The following CNGB3 variants were observed in gnomAD, a reference collection of about 807,000 sequenced individuals.
CNGB3 encodes cyclic nucleotide-gated channel beta-3.
In CNGB3, 86 loss-of-function variants were observed where a neutral mutation model predicts 92.8. The ratio of observed to expected loss-of-function variants is 0.93; its 90% confidence interval spans 0.78 to 1.11. CNGB3 has a LOEUF of 1.11. Ranked by LOEUF, CNGB3 falls within the 50% of genes least tolerant of loss-of-function variation. CNGB3 has a pLI of 0.00. For synonymous variants in CNGB3, 333 were observed against 332.7 expected, an observed-to-expected ratio of 1.00 and a Z score of -0.01; for missense variants, 1,026 against 956.8, an observed-to-expected ratio of 1.07 and a Z score of -0.95.
At position 86,663,997 on chromosome 8, in the gene CNGB3, C is replaced by G. The variant is rs891354219; in HGVS notation, c.852+2928G>C. Reference sequence around the variant, plus strand: ...ATTTGTCAAACATTGATTTTCTCCCCCCTTGTGAGTCTAATGGAGGTTGAA... The same window carrying G: ...ATTTGTCAAACATTGATTTTCTCCCGCCTTGTGAGTCTAATGGAGGTTGAA... On this transcript the variant is annotated intron_variant, in intron 6 of 17. Coordinates refer to ENST00000320005, the MANE Select transcript of CNGB3 (RefSeq NM_019098.5). Among the ~76,000 whole-genome samples the G allele has an allele frequency of 2.0e-5, 3 of 152,206 alleles. No individual in the cohort carries two copies. The East Asian group carries it at 5.8e-4, about 29-fold the overall frequency.
At chr8:86,685,085 T>G (rs1351802126) in intron 3 of CNGB3, among the ~76,000 whole-genome samples, 1 of 152,164 alleles carries the variant, frequency 6.6e-6, no homozygotes, top group Non-Finnish European at 1.5e-5. Context: ...GTGAGATTAT[T>G]GTACTATAGT....
At chr8:86,636,944 G>A (rs373381830) in intron 10 of CNGB3, among the ~76,000 whole-genome samples, 9 of 152,224 alleles carry the variant, frequency 5.9e-5, no homozygotes, top group South Asian at 4.1e-4. Flanking sequence ...TTCATTTTAA[G>A]GCTGAATGAT....
chr8:86,580,190 C>CGGCGG (rs1821735090), intron 15 of CNGB3, among the ~76,000 whole-genome samples: 1 of 45,044 alleles, frequency 2.2e-5, no homozygotes, highest in African/African-American at 7.1e-5. Flanking sequence ...GAGAATAGCA[C>CGGCGG]GGGGGGGGTG....
chr8:86,696,109 G>A (rs1824445290), intron 3 of CNGB3, among the ~76,000 whole-genome samples: 1 of 152,114 alleles, frequency 6.6e-6, no homozygotes, highest in South Asian at 2.1e-4. Context: ...TTGGTGTGCT[G>A]GTTTTCTTGA....
At chr8:86,628,850 G>T in intron 12 of CNGB3, 69 bp downstream of exon 12, 1 of 1,529,784 alleles carries the variant, frequency 6.5e-7, no homozygotes, top group Non-Finnish European at 9.1e-7. Flanking sequence ...ACTAGTCTCT[G>T]CTACCTTACA....
At chr8:86,707,246 C>T (rs1245028150) in intron 3 of CNGB3, among the ~76,000 whole-genome samples, 2 of 152,202 alleles carry the variant, frequency 1.3e-5, no homozygotes, top group East Asian at 1.9e-4. Flanking sequence ...TAACAAACTC[C>T]TATCTTTATA....
intron 3 of CNGB3, among the ~76,000 whole-genome samples, chr8:86,701,678 A>G (rs910517925): frequency 2.6e-5 from 4 of 152,328 alleles, no homozygotes; most frequent in East Asian, 1.9e-4. Context: ...TATATTTAAA[A>G]CATAGCTCTC....
chr8:86,719,974 C>T (rs1824934996), intron 3 of CNGB3, among the ~76,000 whole-genome samples: 1 of 152,054 alleles, frequency 6.6e-6, no homozygotes, highest in Non-Finnish European at 1.5e-5. Context: ...ATCCTGGTCT[C>T]TCACCTTATA....
chr8:86,674,395 G>T (rs1468112935), intron 3 of CNGB3, among the ~76,000 whole-genome samples: 1 of 152,152 alleles, frequency 6.6e-6, no homozygotes, highest in Non-Finnish European at 1.5e-5. Flanking sequence ...TTGTCTTTAT[G>T]TTAGCTGGAG....
intron 3 of CNGB3, among the ~76,000 whole-genome samples, chr8:86,719,604 CA>C (rs1447266640): frequency 1.3e-5 from 2 of 151,920 alleles, no homozygotes; most frequent in Admixed American, 1.3e-4. Flanking sequence ...TAATTCCTGT[CA>C]AAAATACCAC....
At position 86,590,864 on chromosome 8, in the gene CNGB3, T is replaced by G. The variant is rs534971805; in HGVS notation, c.1782-11612A>C. On this transcript the variant is annotated intron_variant, in intron 15 of 17. Transcript: ENST00000320005. ...AGTATCTTTGTGGTGTTCTCTGTAT[T>G]TCCTGAATCTGAATGTTGGCCTGCC... Among the ~76,000 whole-genome samples the G allele has an allele frequency of 2.1e-4, 32 of 151,440 alleles. No homozygotes were observed. The South Asian group carries it at 6.7e-3, about 32-fold the overall frequency.
At chr8:86,713,310 A>G (rs993696064) in intron 3 of CNGB3, among the ~76,000 whole-genome samples, 2 of 152,190 alleles carry the variant, frequency 1.3e-5, no homozygotes, top group Non-Finnish European at 2.9e-5. Flanking sequence ...AGAATCACCT[A>G]CAAAGGTTTA....
intron 6 of CNGB3, chr8:86,661,804 ATTGCTGACGAAGGTAATTG>A: frequency 1.3e-6 from 2 of 1,576,380 alleles, no homozygotes; most frequent in East Asian, 4.5e-5. Context: ...AACCACTTCA[ATTGCTGACGAAGGTAATTG>A]TTGTTCTCAG....
At chr8:86,626,578 T>C (rs1822852392) in intron 12 of CNGB3, among the ~76,000 whole-genome samples, 1 of 152,128 alleles carries the variant, frequency 6.6e-6, no homozygotes, top group Admixed American at 6.6e-5. Context: ...CATTCCTACT[T>C]TGCAGAAAGA....
At chr8:86,641,941 C>T (rs897026239) in intron 10 of CNGB3, among the ~76,000 whole-genome samples, 1 of 151,692 alleles carries the variant, frequency 6.6e-6, no homozygotes, top group African/African-American at 2.4e-5. Context: ...ATTAGAAATC[C>T]AAAACACTAG....
intron 3 of CNGB3, among the ~76,000 whole-genome samples, chr8:86,702,870 A>G (rs564881142): frequency 5.6e-4 from 85 of 152,082 alleles, no homozygotes; most frequent in African/African-American, 2.0e-3. Flanking sequence ...ATTTTTTAAA[A>G]TAGGAGAGTT....
intron 2 of CNGB3, among the ~76,000 whole-genome samples, chr8:86,738,542 G>A (rs539382086): frequency 1.3e-5 from 2 of 152,202 alleles, no homozygotes; most frequent in South Asian, 4.1e-4. Flanking sequence ...TGCTGAGATC[G>A]GAAAGAAAGG....
chr8:86,661,439 A>T (rs557801066), intron 6 of CNGB3: 4 of 512,460 alleles, frequency 7.8e-6, no homozygotes, highest in Non-Finnish European at 1.5e-5. Context: ...TTTATGTTTT[A>T]TAACTCCATG....
intron 3 of CNGB3, among the ~76,000 whole-genome samples, chr8:86,677,810 A>G (rs537130684): frequency 1.3e-5 from 2 of 152,288 alleles, no homozygotes; most frequent in African/African-American, 4.8e-5. Flanking sequence ...GGAGATATGT[A>G]ATGCCATCAA....
Sources: allele counts gnomAD v4.1 joint callset (sites outside exome capture counted in the v4.1 genomes callset), GRCh38; gene constraint gnomAD v4.1.1; transcripts MANE v1.5; gene names NCBI Gene and HGNC (gene_info 2026-07-23, HGNC 2026-07-21).